Variants in C9orf72 observed in about 807,000 individuals in gnomAD.
The protein encoded by C9orf72 is C9orf72-SMCR8 complex subunit, also known as guanine nucleotide exchange factor C9orf72.
Under a neutral mutation model 51.6 loss-of-function variants are expected in C9orf72, and 44 were observed. That is an observed-to-expected ratio of 0.85 (90% CI 0.67 to 1.10). C9orf72 has a LOEUF of 1.10. C9orf72 is among the 50% of genes least tolerant of loss of function. C9orf72 has a pLI of 0.00. For synonymous variants in C9orf72, 213 were observed against 194.2 expected (o/e 1.10, Z -0.81); for missense variants, 607 against 570.6 (o/e 1.06, Z -0.65).
At chr9:27,560,117 C>T in intron 6 of C9orf72, 110 bp downstream of exon 6, 1 of 633,598 alleles carries the variant, frequency 1.6e-6, no homozygotes, top group Admixed American at 3.6e-5. Flanking sequence ...TACATTGCCT[C>T]CTTATACTAC....
intron 1 of C9orf72, 23 bp from the exon 2 acceptor site, chr9:27,567,187 A>G: frequency 7.5e-7 from 1 of 1,331,550 alleles, no homozygotes; most frequent in South Asian, 1.3e-5. Context: ...ATATGAAACC[A>G]ATGATTAGGT....
At chr9:27,548,937 T>A (rs773723) in intron 9 of C9orf72, among the ~76,000 whole-genome samples, 3 of 151,594 alleles carry the variant, frequency 2.0e-5, no homozygotes, top group South Asian at 2.1e-4. Context: ...CTACACCTCC[T>A]GGGTTCAAGC....
At chr9:27,570,666 G>A (rs1819566717) in intron 1 of C9orf72, among the ~76,000 whole-genome samples, 2 of 152,060 alleles carry the variant, frequency 1.3e-5, no homozygotes, top group South Asian at 2.1e-4. Flanking sequence ...AGGAGCTCAA[G>A]ACCAGCCTGG....
At chr9:27,552,195 T>C (rs10967981) in intron 8 of C9orf72, among the ~76,000 whole-genome samples, 41,392 of 151,962 alleles carry the variant, frequency 0.27, 6,682 homozygotes, top group East Asian at 0.49. Flanking sequence ...TGAAAAGGAG[T>C]GGTGAGAGTG....
At chr9:27,559,550 T>C (rs1819291044) in intron 6 of C9orf72, 1 of 152,170 alleles carries the variant, frequency 6.6e-6, no homozygotes, top group South Asian at 2.1e-4. Flanking sequence ...TAAAGTATCA[T>C]TTCCAACATA....
At chr9:27,552,394 C>A (rs564042536) in intron 8 of C9orf72, among the ~76,000 whole-genome samples, 7 of 152,160 alleles carry the variant, frequency 4.6e-5, no homozygotes, top group Admixed American at 3.3e-4. Context: ...GTTGCCCAGG[C>A]TGGAGTGCGG....
chr9:27,571,638 T>C (rs1409844412), intron 1 of C9orf72, among the ~76,000 whole-genome samples: 1 of 152,156 alleles, frequency 6.6e-6, no homozygotes, highest in Non-Finnish European at 1.5e-5. Flanking sequence ...TAATTTTTTG[T>C]AGAGACAGGG....
chr9:27,556,817 T>G, intron 7 of C9orf72, 21 bp from the exon 8 acceptor site: 1 of 1,489,008 alleles, frequency 6.7e-7, no homozygotes, highest in Non-Finnish European at 9.4e-7. Context: ...AAAAGGAAAA[T>G]TTACTGTCTT....
chr9:27,561,092 G>A (rs181689797), intron 5 of C9orf72: 4 of 217,870 alleles, frequency 1.8e-5, no homozygotes, highest in Non-Finnish European at 2.3e-5. Flanking sequence ...TTTTACAGAT[G>A]AGGAAATAGG....
At chr9:27,573,804 G>C (rs1427089632), upstream of C9orf72, 2 of 152,398 alleles carry the variant, frequency 1.3e-5, no homozygotes, top group Admixed American at 6.5e-5. Flanking sequence ...CATCTTTTAC[G>C]TGGGCGGAAC....
chr9:27,573,198 C>T (rs1323040246), intron 1 of C9orf72, among the ~76,000 whole-genome samples: 1 of 151,268 alleles, frequency 6.6e-6, no homozygotes, highest in Non-Finnish European at 1.5e-5. Flanking sequence ...GATCCCCATC[C>T]CTTGTCCCTG....
chr9:27,560,536 TTTAA>T, intron 5 of C9orf72: 1 of 687,582 alleles, frequency 1.5e-6, no homozygotes, highest in Non-Finnish European at 1.9e-6. Flanking sequence ...TATAATATCA[TTTAA>T]TTAATGTATT....
rs186523437 is a variant in C9orf72, at chr9:27,572,147, C to T, written c.-45+1284G>A. ...GCCAAACAAAATATTTTATCAACTT[C>T]ATAAGGTGCTTGTAATTTTTTCCTG... On this transcript the variant is annotated intron_variant, in intron 1 of 10. Transcript: ENST00000380003. Among the ~76,000 whole-genome samples, 79 of 152,312 alleles carry T rather than the reference C, an allele frequency of 5.2e-4. 2 individuals carry two copies. Among genetic ancestry groups the T allele is most frequent in the Non-Finnish European group, 1.9e-4 (13 of 68,018 alleles).
intron 8 of C9orf72, among the ~76,000 whole-genome samples, chr9:27,554,986 C>T (rs916685180): frequency 3.3e-5 from 5 of 152,104 alleles, no homozygotes; most frequent in African/African-American, 1.2e-4. Context: ...AATACACATA[C>T]ATCCTCTAAA....
At chr9:27,553,832 C>A (rs1190032585) in intron 8 of C9orf72, among the ~76,000 whole-genome samples, 1 of 152,034 alleles carries the variant, frequency 6.6e-6, no homozygotes. Context: ...CTGGAAGGAA[C>A]TTAAAACTAA....
Position 27,561,606 on chromosome 9 carries a change from C to G in C9orf72, c.644G>C (p.Cys215Ser), listed in dbSNP as rs759114309. 6.2e-7 allele frequency: 1 copy of G among 1,612,208 alleles called. No individual in the cohort carries two copies. The highest frequency in any genetic ancestry group is 8.5e-7 in the Non-Finnish European group (1 of 1,178,948). ...TTACTTGAGAAGAAAGCCTTCATGA[C>G]AGCTGTCACCAATATCATCATCATT... Reference protein sequence around the residue: ...VLNDDDIGDSCHEGFLLNAIS... With the variant: ...VLNDDDIGDSSHEGFLLNAIS... Residue 215 changes from cysteine to serine, a missense_variant, in exon 5 of 11, where the codon TGT (cysteine) becomes TCT (serine). Transcript: ENST00000380003.
At position 27,550,713 on chromosome 9, in the gene C9orf72, GA is replaced by G; in HGVS notation, c.1092-7del. On this transcript the variant is annotated splice_polypyrimidine_tract_variant and splice_region_variant and intron_variant, in intron 8 of 10. Transcript: ENST00000380003. The stretch of plus-strand genomic sequence containing the variant: ...AGACATCTTGAAAAATATTCCTGAA[GA>G]AAAGAAGAAAATGAAGAAAAGAAAA... 6.5e-7 allele frequency: 1 copy of G among 1,547,680 alleles called. No homozygotes were observed. Among genetic ancestry groups the G allele is most frequent in the Non-Finnish European group, 8.8e-7 (1 of 1,134,336 alleles).
At position 27,547,488 on chromosome 9, in the gene C9orf72, A is replaced by T. The variant is rs1050938356; in HGVS notation, c.*748T>A. ...GCTCAAAAATAATGAAAATTAATTT[A>T]AAAAGTTGGCAACAATTACTAAAAC... is the stretch of plus-strand genomic sequence containing the variant. On this transcript the variant is annotated 3_prime_UTR_variant, in exon 11 of 11. Transcript: ENST00000380003. The T allele has an allele frequency of 6.5e-6, 1 of 152,812 alleles. No homozygotes were observed. Among genetic ancestry groups the T allele is most frequent in the East Asian group, 1.9e-4 (1 of 5,194 alleles). 9.5% of individuals were successfully genotyped at this position (152,812 alleles called of 1,614,324 possible).
Position 27,556,669 on chromosome 9 carries a change from T to C in C9orf72, c.983A>G (p.Gln328Arg). Residue 328 changes from glutamine (Q) to arginine (R), a missense_variant, in exon 8 of 11, where the codon CAG becomes CGG. Transcript: ENST00000380003. ...MPPCHEHIYN[Q>R]RRYMRSELTA... ...CAGCTCGGATCTCATGTATCTACGC[T>C]GATTATAAATATGTTCATGACAGGG... 6.2e-7 allele frequency: 1 copy of C among 1,614,036 alleles called. No homozygotes were observed. The highest frequency in any genetic ancestry group is 8.5e-7 in the Non-Finnish European group (1 of 1,179,922).
Sources: gnomAD v4.1 joint callset for allele counts (sites outside exome capture counted in the v4.1 genomes callset) on GRCh38, gnomAD v4.1.1 for gene constraint, MANE v1.5 for transcripts, NCBI Gene and HGNC (gene_info 2026-07-23, HGNC 2026-07-21) for gene names.